The following SLC39A11 variants were observed in gnomAD, a reference collection of about 807,000 sequenced individuals.
SLC39A11 encodes the protein zinc transporter ZIP11.
Under a neutral mutation model 36.1 loss-of-function variants are expected in SLC39A11, and 33 were observed. The observed-to-expected ratio is 0.91, with a 90% CI of 0.69 to 1.22. The LOEUF is 1.22. Among genes scored for constraint, SLC39A11 ranks in the 50% most tolerant of loss-of-function variants. SLC39A11 has a pLI of 0.00. For synonymous variants in SLC39A11, 166 were observed against 170.3 expected, an observed-to-expected ratio of 0.97 and a Z score of 0.20; for missense variants, 432 against 430.3, an observed-to-expected ratio of 1.00 and a Z score of -0.03.
At chr17:73,034,275 T>C (rs1225235594) in intron 3 of SLC39A11, among the ~76,000 whole-genome samples, 1 of 152,184 alleles carries the variant, frequency 6.6e-6, no homozygotes, top group Non-Finnish European at 1.5e-5. Context: ...CAGGCTGGAG[T>C]GCAGTGGTGC....
At chr17:72,740,834 G>A (rs2074663114) in intron 6 of SLC39A11, among the ~76,000 whole-genome samples, 1 of 152,116 alleles carries the variant, frequency 6.6e-6, no homozygotes, top group African/African-American at 2.4e-5. Flanking sequence ...GAGTGCAATG[G>A]CGCAATCTTG....
intron 5 of SLC39A11, among the ~76,000 whole-genome samples, chr17:72,856,832 C>T (rs2079665617): frequency 6.6e-6 from 1 of 152,100 alleles, no homozygotes; most frequent in African/African-American, 2.4e-5. Flanking sequence ...AGACATGCAC[C>T]ACCCCACCCG....
At chr17:72,898,408 C>A (rs953518392) in intron 5 of SLC39A11, among the ~76,000 whole-genome samples, 3 of 152,184 alleles carry the variant, frequency 2.0e-5, no homozygotes, top group East Asian at 3.9e-4. Context: ...ACCATGTTAG[C>A]ACTTTAGAAC....
intron 6 of SLC39A11, among the ~76,000 whole-genome samples, chr17:72,738,015 T>C (rs1045497549): frequency 1.3e-5 from 2 of 152,232 alleles, no homozygotes; most frequent in Admixed American, 6.5e-5. Context: ...TATTTTTATG[T>C]TTTATTGAGA....
chr17:72,759,373 C>T (rs2075486442), intron 6 of SLC39A11, among the ~76,000 whole-genome samples: 1 of 152,150 alleles, frequency 6.6e-6, no homozygotes, highest in Non-Finnish European at 1.5e-5. Context: ...TTAATAATAA[C>T]TCACTTCACA....
intron 4 of SLC39A11, among the ~76,000 whole-genome samples, chr17:73,010,296 G>A (rs1004330328): frequency 6.6e-6 from 1 of 152,140 alleles, no homozygotes; most frequent in Non-Finnish European, 1.5e-5. Flanking sequence ...TCTTCGGACT[G>A]TTACTTAATC....
chr17:72,835,610 G>A (rs1354136031), intron 6 of SLC39A11, among the ~76,000 whole-genome samples: 5 of 152,144 alleles, frequency 3.3e-5, no homozygotes, highest in South Asian at 2.1e-4. Context: ...ATAGGCATGT[G>A]CCACCACGCC....
rs541402838 is a variant in SLC39A11, at chr17:72,965,901, C to T, written c.307-18026G>A. Among the ~76,000 whole-genome samples, 54 of 152,290 alleles carry T rather than the reference C, an allele frequency of 3.5e-4. No homozygotes were observed. The South Asian group carries it at 0.011, about 30-fold the overall frequency. ...AACTAGGGAATTCAGACTGAATAGT[C>T]CCTGAAGCCTGCTCTATACCAAACC... On this transcript the variant is annotated intron_variant, in intron 4 of 9. Transcript: ENST00000255559.
At chr17:72,922,942 T>C (rs998084180) in intron 5 of SLC39A11, among the ~76,000 whole-genome samples, 15 of 112,224 alleles carry the variant, frequency 1.3e-4, no homozygotes, top group Non-Finnish European at 1.8e-4. Context: ...GCCTGGGTGA[T>C]AGAGTGGGAC....
At chr17:73,047,035 T>C (rs184890339) in intron 3 of SLC39A11, among the ~76,000 whole-genome samples, 2 of 150,212 alleles carry the variant, frequency 1.3e-5, no homozygotes, top group Admixed American at 6.6e-5. Flanking sequence ...TTATTTTTTT[T>C]TTTTTTTGAG....
rs554787459 is a variant in SLC39A11, at chr17:72,820,282, T to A, written c.601+29352A>T. Among the ~76,000 whole-genome samples the A allele has an allele frequency of 1.3e-4, 20 of 151,370 alleles. 4 individuals are homozygous for A. Among genetic ancestry groups the A allele is most frequent in the Non-Finnish European group, 2.4e-4 (16 of 67,504 alleles). On this transcript the variant is annotated intron_variant, in intron 6 of 9. Coordinates refer to ENST00000255559, the MANE Select transcript of SLC39A11 (RefSeq NM_139177.4). ...ATGTTGAAACTGTCTTCCAAATAAC[T>A]GAATTTTGTTGTGCCCCCAGGGTCA...
intron 7 of SLC39A11, among the ~76,000 whole-genome samples, chr17:72,676,894 G>A (rs2071284127): frequency 6.6e-6 from 1 of 152,168 alleles, no homozygotes; most frequent in African/African-American, 2.4e-5. Flanking sequence ...CACTGTTGGA[G>A]GAGTGAAGCC....
At chr17:73,091,572 A>C (rs2060924267) in intron 1 of SLC39A11, among the ~76,000 whole-genome samples, 1 of 151,962 alleles carries the variant, frequency 6.6e-6, no homozygotes, top group Non-Finnish European at 1.5e-5. Context: ...AAGAACAGAA[A>C]GTTTTCTGCA....
chr17:72,890,492 C>T (rs187091939), intron 5 of SLC39A11, among the ~76,000 whole-genome samples: 97 of 152,218 alleles, frequency 6.4e-4, no homozygotes, highest in South Asian at 1.0e-3. Flanking sequence ...GCTGAGGTTC[C>T]TGGCTTGAGT....
chr17:72,736,070 T>G lies in SLC39A11; in HGVS notation c.671+580A>C, dbSNP rs1013865835. Among the ~76,000 whole-genome samples, 6 of 152,164 alleles carry G rather than the reference T, an allele frequency of 3.9e-5. 1 individual carries two copies. Among genetic ancestry groups the G allele is most frequent in the Admixed American group, 3.9e-4 (6 of 15,274 alleles). ...CAGGACAAAAGACTCAGCTGGAGCT[T>G]GACTTGGGTATCATCAGCAAACACA... On this transcript the variant is annotated intron_variant, in intron 7 of 9. Coordinates refer to ENST00000255559, the MANE Select transcript of SLC39A11 (RefSeq NM_139177.4).
At chr17:73,011,740 C>T (rs1048861516) in intron 4 of SLC39A11, among the ~76,000 whole-genome samples, 2 of 150,572 alleles carry the variant, frequency 1.3e-5, no homozygotes, top group African/African-American at 4.9e-5. Context: ...TGGCTCACTG[C>T]AACCTTCGCC....
intron 7 of SLC39A11, among the ~76,000 whole-genome samples, chr17:72,695,278 G>T (rs1203228609): frequency 6.6e-6 from 1 of 152,136 alleles, no homozygotes; most frequent in African/African-American, 2.4e-5. Flanking sequence ...AGCCATTCCT[G>T]GCTTGAGTTT....
At chr17:72,771,298 C>T (rs371107570) in intron 6 of SLC39A11, among the ~76,000 whole-genome samples, 2 of 150,584 alleles carry the variant, frequency 1.3e-5, no homozygotes, top group East Asian at 2.0e-4. Context: ...TTGCAGTGAG[C>T]CGAGATCGTG....
At chr17:72,742,160 G>A (rs1016832034) in intron 6 of SLC39A11, among the ~76,000 whole-genome samples, 57 of 151,700 alleles carry the variant, frequency 3.8e-4, no homozygotes, top group African/African-American at 1.3e-3. Flanking sequence ...CCAAGATCGC[G>A]CCACTGCACT....
Sources: gnomAD v4.1 joint callset for allele counts (sites outside exome capture counted in the v4.1 genomes callset) on GRCh38, gnomAD v4.1.1 for gene constraint, MANE v1.5 for transcripts, NCBI Gene and HGNC (gene_info 2026-07-23, HGNC 2026-07-21) for gene names.